ITGA9: variants seen among roughly 807,000 people sequenced by gnomAD.
ITGA9 encodes integrin subunit alpha 9.
A neutral mutation model predicts 127.8 loss-of-function variants in ITGA9; 56 were observed. The ratio of observed to expected loss-of-function variants is 0.44; its 90% CI spans 0.35 to 0.55. ITGA9 has a LOEUF of 0.55. Ranked by LOEUF, ITGA9 falls within the 20% of genes least tolerant of loss-of-function variation. The probability of loss-of-function intolerance (pLI) is 0.00; values close to 1 mark genes in which losing one functional copy is unlikely to be tolerated. For missense variants in ITGA9, 1,196 were observed against 1,347.1 expected (o/e 0.89, Z 1.76); for synonymous variants, 508 against 514.5 (o/e 0.99, Z 0.17).
intron 16 of ITGA9, among the ~76,000 whole-genome samples, chr3:37,647,602 T>A (rs1700390641): frequency 1.3e-5 from 2 of 152,126 alleles, no homozygotes; most frequent in South Asian, 4.1e-4. Flanking sequence ...TTTGTACCTT[T>A]GACCAACATC....
At chr3:37,592,757 G>A (rs1334896025) in intron 15 of ITGA9, among the ~76,000 whole-genome samples, 1 of 152,154 alleles carries the variant, frequency 6.6e-6, no homozygotes, top group Non-Finnish European at 1.5e-5. Context: ...TGCCTCTGAA[G>A]GCAATGGAGT....
At chr3:37,762,597 A>G (rs1043292963) in intron 23 of ITGA9, among the ~76,000 whole-genome samples, 1 of 152,236 alleles carries the variant, frequency 6.6e-6, no homozygotes, top group Non-Finnish European at 1.5e-5. Context: ...TGGAAAGAGA[A>G]GGGCTGGCTG....
At chr3:37,798,044 G>C (rs751818804) in intron 26 of ITGA9, among the ~76,000 whole-genome samples, 2 of 152,110 alleles carry the variant, frequency 1.3e-5, no homozygotes, top group Non-Finnish European at 2.9e-5. Flanking sequence ...AGGCTGGAGC[G>C]CAGTGGCACA....
intron 17 of ITGA9, among the ~76,000 whole-genome samples, chr3:37,667,699 A>C (rs532723396): frequency 6.6e-6 from 1 of 152,340 alleles, no homozygotes; most frequent in Non-Finnish European, 1.5e-5. Context: ...AAGTTCTTCC[A>C]GGTTGGGGGA....
chr3:37,515,301 G>A (rs548038587), intron 9 of ITGA9, among the ~76,000 whole-genome samples: 5 of 152,262 alleles, frequency 3.3e-5, no homozygotes, highest in African/African-American at 7.2e-5. Context: ...TAAAAAAATC[G>A]AAGTGTACTG....
chr3:37,636,676 C>T (rs1459337951), intron 16 of ITGA9, among the ~76,000 whole-genome samples: 1 of 152,154 alleles, frequency 6.6e-6, no homozygotes, highest in Non-Finnish European at 1.5e-5. Context: ...GTTGCCATTG[C>T]TTTTGGTGAT....
intron 26 of ITGA9, 85 bp downstream of exon 26, chr3:37,785,163 C>T: frequency 1.1e-6 from 1 of 949,788 alleles, no homozygotes; most frequent in Non-Finnish European, 1.7e-6. Flanking sequence ...ATTTGAGGGT[C>T]AAGACAGTCT....
intron 26 of ITGA9, among the ~76,000 whole-genome samples, chr3:37,801,787 T>C (rs1697238434): frequency 6.6e-6 from 1 of 152,176 alleles, no homozygotes; most frequent in South Asian, 2.1e-4. Flanking sequence ...CCCTTTTCAA[T>C]TTCTGGGAAG....
chr3:37,571,599 G>A (rs1419940703), intron 15 of ITGA9, among the ~76,000 whole-genome samples: 2 of 152,178 alleles, frequency 1.3e-5, no homozygotes, highest in Admixed American at 6.5e-5. Context: ...CCACCCCAGC[G>A]TTTCTGATTC....
chr3:37,743,729 G>A (rs537310170), intron 21 of ITGA9, among the ~76,000 whole-genome samples, 197 bp from the exon 22 acceptor site: 20 of 152,270 alleles, frequency 1.3e-4, no homozygotes, highest in East Asian at 5.8e-4. Context: ...GCTTATTGAC[G>A]TAACCTAAGA....
intron 16 of ITGA9, among the ~76,000 whole-genome samples, chr3:37,634,165 T>G (rs1207160336): frequency 1.3e-5 from 2 of 151,710 alleles, no homozygotes; most frequent in African/African-American, 4.8e-5. Flanking sequence ...CAAAGGAAGA[T>G]AGCAAGAAAG....
At chr3:37,774,758 T>C (rs2364663) in intron 23 of ITGA9, among the ~76,000 whole-genome samples, 40,301 of 151,928 alleles carry the variant, frequency 0.27, 6,482 homozygotes, top group African/African-American at 0.45. Flanking sequence ...TTCCAAATTA[T>C]TAGACACTTA....
At chr3:37,815,970 A>G (rs1319165517) in intron 27 of ITGA9, among the ~76,000 whole-genome samples, 2 of 152,120 alleles carry the variant, frequency 1.3e-5, no homozygotes, top group Non-Finnish European at 2.9e-5. Flanking sequence ...GTGTGGAAGC[A>G]GGGCAGGGTT....
intron 23 of ITGA9, among the ~76,000 whole-genome samples, chr3:37,771,992 T>C (rs1696850431): frequency 6.6e-6 from 1 of 152,160 alleles, no homozygotes. Context: ...AAAGTGGTGA[T>C]AAGCAGATGT....
chr3:37,512,078 TTCCTTCCTTCC>T (rs1559524699), intron 8 of ITGA9, among the ~76,000 whole-genome samples: 5 of 74,644 alleles, frequency 6.7e-5, no homozygotes, highest in African/African-American at 6.0e-5. Flanking sequence ...CTTTCTTTCC[TTCCTTCCTTCC>T]TTCCTTCCTT....
In ITGA9 at chr3:37,520,878, C is replaced by T. The variant is rs142719179; in HGVS notation, c.1236+1524C>T. ...CTCCGGGAAGCTTGTTTTCCTGGAC[C>T]TCGGAAGCTAATCACACAGTGAGGC... is the stretch of plus-strand genomic sequence containing the variant. On this transcript the variant is annotated intron_variant, in intron 11 of 27. Coordinates refer to ENST00000264741, the MANE Select transcript of ITGA9 (RefSeq NM_002207.3). Among the ~76,000 whole-genome samples, 14 of 152,320 alleles carry T rather than the reference C, an allele frequency of 9.2e-5. No homozygotes were observed. In the East Asian group the frequency reaches 2.5e-3, roughly 27 times the overall value.
rs77793803 is a variant in ITGA9, at chr3:37,763,330, G to A, written c.2541+12761G>A. On this transcript the variant is annotated intron_variant, in intron 23 of 27. Transcript: ENST00000264741. ...GTTGCAGGGACCAAAGCTATCTTAC[G>A]GGAGTTTGCAATGAGAATTTCTTTG... Among the ~76,000 whole-genome samples the A allele has an allele frequency of 6.5e-3, 987 of 152,252 alleles. 9 individuals are homozygous for A. Among genetic ancestry groups the A allele is most frequent in the Middle Eastern group, 0.031 (9 of 294 alleles).
At chr3:37,549,620 T>G (rs887521455) in intron 15 of ITGA9, among the ~76,000 whole-genome samples, 1 of 152,246 alleles carries the variant, frequency 6.6e-6, no homozygotes, top group Non-Finnish European at 1.5e-5. Context: ...GTGTTCTGTT[T>G]TATTGGTTTT....
chr3:37,453,128 C>A lies in ITGA9; in HGVS notation c.185+569C>A, dbSNP rs948983561. Among the ~76,000 whole-genome samples, 82 of 151,396 alleles carry A rather than the reference C, an allele frequency of 5.4e-4. 2 individuals are homozygous for A. The highest frequency in any genetic ancestry group is 1.8e-3 in the African/African-American group (74 of 41,248). On this transcript the variant is annotated intron_variant, in intron 1 of 27. Transcript: ENST00000264741. Reference sequence around the variant, plus strand: ...CAGAGCCCCGGCGCCCCCCCCCCCCCCCAGCTCCTACAAGACCCTGGGTGG... The same window carrying A: ...CAGAGCCCCGGCGCCCCCCCCCCCCACCAGCTCCTACAAGACCCTGGGTGG...
Sources: gnomAD v4.1 joint callset for allele counts (sites outside exome capture counted in the v4.1 genomes callset) on GRCh38, gnomAD v4.1.1 for gene constraint, MANE v1.5 for transcripts, NCBI Gene and HGNC (gene_info 2026-07-23, HGNC 2026-07-21) for gene names.